The following NALF1 variants were observed in gnomAD, a reference collection of about 807,000 sequenced individuals.
NALF1 encodes the protein family with sequence similarity 155 member A.
NALF1 carries 3 observed loss-of-function variants against 48.4 expected under a neutral mutation model. That is an observed-to-expected ratio of 0.06 (90% CI 0.03 to 0.16). The LOEUF is 0.16. Ranked by LOEUF, NALF1 falls within the 10% of genes least tolerant of loss-of-function variation. The pLI, the probability that NALF1 is intolerant of heterozygous loss-of-function variation, is 1.00. For synonymous variants in NALF1, 262 were observed against 245.7 expected (o/e 1.07, Z -0.62); for missense variants, 526 against 571.5 (o/e 0.92, Z 0.81).
intron 1 of NALF1, among the ~76,000 whole-genome samples, chr13:107,241,110 C>G (rs1448004479): frequency 1.4e-5 from 2 of 144,768 alleles, no homozygotes; most frequent in African/African-American, 2.5e-5. Flanking sequence ...AGGAGAATTG[C>G]TTGAAACCGG....
At chr13:107,278,166 A>G (rs1881316900) in intron 1 of NALF1, among the ~76,000 whole-genome samples, 1 of 152,216 alleles carries the variant, frequency 6.6e-6, no homozygotes, top group Non-Finnish European at 1.5e-5. Flanking sequence ...TTTTAAGGAT[A>G]TTTCGCAGAA....
At chr13:107,408,475 A>T (rs1566329511) in intron 1 of NALF1, among the ~76,000 whole-genome samples, 1 of 151,952 alleles carries the variant, frequency 6.6e-6, no homozygotes, top group African/African-American at 2.4e-5. Context: ...GTGTTTTGCC[A>T]TTAGAAGATA....
At chr13:107,646,268 C>A in intron 1 of NALF1, among the ~76,000 whole-genome samples, 1 of 151,480 alleles carries the variant, frequency 6.6e-6, no homozygotes, top group African/African-American at 2.4e-5. Flanking sequence ...CACATACACT[C>A]CCTGGAAAAC....
intron 1 of NALF1, among the ~76,000 whole-genome samples, chr13:107,622,746 T>A (rs928992931): frequency 1.3e-5 from 2 of 152,222 alleles, no homozygotes; most frequent in African/African-American, 4.8e-5. Context: ...ATTTATTTTT[T>A]ATTTATTTAT....
chr13:107,578,486 C>T (rs1878214888), intron 1 of NALF1, among the ~76,000 whole-genome samples: 1 of 152,106 alleles, frequency 6.6e-6, no homozygotes, highest in Non-Finnish European at 1.5e-5. Context: ...TTGAATGGAA[C>T]AAATGTTTTG....
intron 1 of NALF1, among the ~76,000 whole-genome samples, chr13:107,577,965 A>AT (rs796072712): frequency 1.0e-3 from 157 of 152,120 alleles, no homozygotes; most frequent in African/African-American, 3.6e-3. Flanking sequence ...TTAGATGCAA[A>AT]TTTCCAGCTT....
intron 1 of NALF1, among the ~76,000 whole-genome samples, chr13:107,719,609 A>G (rs1315491164): frequency 3.9e-5 from 6 of 152,180 alleles, no homozygotes; most frequent in East Asian, 1.9e-4. Flanking sequence ...AACAACTACA[A>G]TGAAACCACG....
intron 1 of NALF1, among the ~76,000 whole-genome samples, chr13:107,229,205 A>G (rs371918673): frequency 2.0e-5 from 3 of 152,108 alleles, no homozygotes; most frequent in African/African-American, 7.2e-5. Context: ...CATTTAGGTG[A>G]GCATATTCAT....
chr13:107,818,756 C>G (rs186054419), intron 1 of NALF1, among the ~76,000 whole-genome samples: 40 of 141,960 alleles, frequency 2.8e-4, no homozygotes, highest in Non-Finnish European at 5.1e-4. Flanking sequence ...CCTGTAGTCC[C>G]AGCTACTCGG....
At chr13:107,498,833 T>A (rs553859299) in intron 1 of NALF1, among the ~76,000 whole-genome samples, 2 of 152,120 alleles carry the variant, frequency 1.3e-5, no homozygotes, top group South Asian at 4.2e-4. Context: ...CTGAAAGGGA[T>A]TTTTTCAGGT....
intron 1 of NALF1, among the ~76,000 whole-genome samples, chr13:107,407,863 A>C (rs1883925976): frequency 6.6e-6 from 1 of 152,114 alleles, no homozygotes; most frequent in South Asian, 2.1e-4. Context: ...GTCCATCAAC[A>C]GACAAATGGA....
At chr13:107,314,788 G>C (rs1226914766) in intron 1 of NALF1, among the ~76,000 whole-genome samples, 3 of 152,154 alleles carry the variant, frequency 2.0e-5, no homozygotes, top group African/African-American at 7.2e-5. Flanking sequence ...CATCTTCAGT[G>C]CATAGCACAA....
At chr13:107,284,051 A>C (rs1202321071) in intron 1 of NALF1, among the ~76,000 whole-genome samples, 2 of 152,196 alleles carry the variant, frequency 1.3e-5, no homozygotes, top group African/African-American at 4.8e-5. Flanking sequence ...ATTAAAAGAC[A>C]AATGAAAAAC....
chr13:107,170,418 C>A lies in NALF1; in HGVS notation c.*79G>T. 1 of 1,438,080 alleles carries A rather than the reference C, an allele frequency of 7.0e-7. No homozygotes were observed. Among genetic ancestry groups the A allele is most frequent in the South Asian group, 1.3e-5 (1 of 75,548 alleles). The allele number at this position is 1,438,080 out of a possible 1,614,324, so 89.1% of individuals were successfully genotyped here. On this transcript the variant is annotated 3_prime_UTR_variant, in exon 3 of 3. Coordinates refer to ENST00000375915, the MANE Select transcript of NALF1 (RefSeq NM_001080396.3). The stretch of plus-strand genomic sequence containing the variant: ...ATAAGTAATTCGAGGGTAAAAGCAC[C>A]CAGTTTCTGTTACATGAGACAGCAG...
intron 1 of NALF1, among the ~76,000 whole-genome samples, chr13:107,818,091 T>G (rs2138613628): frequency 6.6e-6 from 1 of 152,322 alleles, no homozygotes; most frequent in East Asian, 1.9e-4. Context: ...ATGCTGATTT[T>G]CTTCTATGCT....
intron 1 of NALF1, among the ~76,000 whole-genome samples, chr13:107,818,250 C>G (rs1378917896): frequency 6.6e-6 from 1 of 152,142 alleles, no homozygotes; most frequent in Non-Finnish European, 1.5e-5. Context: ...TCCAGAATAA[C>G]TCTGCCCACC....
At chr13:107,312,312 G>A (rs576740644) in intron 1 of NALF1, among the ~76,000 whole-genome samples, 1 of 151,694 alleles carries the variant, frequency 6.6e-6, no homozygotes, top group African/African-American at 2.4e-5. Flanking sequence ...CTCAGCAAAC[G>A]ATCACGAGGT....
At chr13:107,678,734 GA>G (rs1356335748) in intron 1 of NALF1, among the ~76,000 whole-genome samples, 6 of 152,204 alleles carry the variant, frequency 3.9e-5, no homozygotes, top group Admixed American at 3.9e-4. Context: ...AACGGGGCAG[GA>G]AGGAGAAATG....
chr13:107,430,876 C>G (rs1240972322), intron 1 of NALF1, among the ~76,000 whole-genome samples: 1 of 152,208 alleles, frequency 6.6e-6, no homozygotes, highest in Non-Finnish European at 1.5e-5. Flanking sequence ...AATCGCCACA[C>G]TGACTTCCAC....
Sources: allele counts gnomAD v4.1 joint callset (sites outside exome capture counted in the v4.1 genomes callset), GRCh38; gene constraint gnomAD v4.1.1; transcripts MANE v1.5; gene names NCBI Gene and HGNC (gene_info 2026-07-23, HGNC 2026-07-21).